The following TAF4 variants were observed in gnomAD, a reference collection of about 807,000 sequenced individuals.
TAF4 encodes transcription initiation factor TFIID subunit 4.
Under a neutral mutation model 90.3 loss-of-function variants are expected in TAF4, and 9 were observed. The ratio of observed to expected loss-of-function variants is 0.10; its 90% CI spans 0.06 to 0.17. The LOEUF (loss-of-function observed/expected upper bound fraction) is 0.17. TAF4 is among the 10% of genes least tolerant of loss of function. The probability of loss-of-function intolerance (pLI) is 1.00; values close to 1 mark genes in which losing one functional copy is unlikely to be tolerated. For synonymous variants in TAF4, 818 were observed against 638.9 expected (o/e 1.28, Z -4.23); for missense variants, 1,351 against 1,370.7 (o/e 0.99, Z 0.23).
chr20:62,011,130 G>A (rs1231317889), intron 3 of TAF4, among the ~76,000 whole-genome samples: 9 of 152,220 alleles, frequency 5.9e-5, no homozygotes, highest in Non-Finnish European at 2.9e-5. Context: ...GATGGGCTGT[G>A]AGGAGGCAGC....
Position 62,061,483 on chromosome 20 carries a change from C to T in TAF4, c.1360+2968G>A, listed in dbSNP as rs117355825. Among the ~76,000 whole-genome samples, 1,392 of 152,320 alleles carry T rather than the reference C, an allele frequency of 9.1e-3. 67 individuals carry two copies. Among genetic ancestry groups the T allele is most frequent in the Admixed American group, 0.067 (1,022 of 15,292 alleles). On this transcript the variant is annotated intron_variant, in intron 1 of 14. Coordinates refer to ENST00000252996, the MANE Select transcript of TAF4 (RefSeq NM_003185.4). ...TAGAGCAAAAGGAGAGTAAATTCTG[C>T]ATGAAAGCACAATAGACCAAGATAC... is the stretch of plus-strand genomic sequence containing the variant.
At chr20:62,044,457 A>G (rs1368474805) in intron 1 of TAF4, among the ~76,000 whole-genome samples, 1 of 152,246 alleles carries the variant, frequency 6.6e-6, no homozygotes, top group African/African-American at 2.4e-5. Context: ...AAACCAAAAC[A>G]TAACTAAATT....
intron 1 of TAF4, among the ~76,000 whole-genome samples, chr20:62,040,729 C>T (rs932173783): frequency 1.3e-5 from 2 of 152,204 alleles, no homozygotes; most frequent in Non-Finnish European, 1.5e-5. Context: ...GCACTGAGCC[C>T]GCGGATGAAA....
At chr20:62,005,818 T>G (rs1312561777) in intron 7 of TAF4, 1 of 152,240 alleles carries the variant, frequency 6.6e-6, no homozygotes, top group Non-Finnish European at 1.5e-5. Flanking sequence ...CAGCTCATGA[T>G]GAGGGAGCCC....
chr20:62,035,306 G>C (rs571267186), intron 1 of TAF4, among the ~76,000 whole-genome samples: 19 of 152,278 alleles, frequency 1.2e-4, no homozygotes, highest in African/African-American at 3.1e-4. Flanking sequence ...TAGATATCAA[G>C]AATTAGTATG....
chr20:62,016,658 C>G (rs1312338850), intron 1 of TAF4, among the ~76,000 whole-genome samples: 1 of 152,220 alleles, frequency 6.6e-6, no homozygotes. Flanking sequence ...CCGGGCTCCT[C>G]AGGTGCACAC....
rs1029076070 is a variant in TAF4, at chr20:62,045,921, C to T, written c.1360+18530G>A. Among the ~76,000 whole-genome samples the T allele has an allele frequency of 5.9e-5, 9 of 152,322 alleles. No individual in the cohort carries two copies. In the East Asian group the frequency reaches 1.2e-3, roughly 20 times the overall value. On this transcript the variant is annotated intron_variant, in intron 1 of 14. Coordinates refer to ENST00000252996, the MANE Select transcript of TAF4 (RefSeq NM_003185.4). Reference sequence around the variant, plus strand: ...AGTAACCTCTTTTTCACAACTATAACGAACAAATTTTCCTTCTCTCACGCA... The same window carrying T: ...AGTAACCTCTTTTTCACAACTATAATGAACAAATTTTCCTTCTCTCACGCA...
intron 5 of TAF4, chr20:62,008,757 T>C (rs1427201314): frequency 1.9e-5 from 5 of 264,208 alleles, no homozygotes; most frequent in South Asian, 1.0e-4. Flanking sequence ...TGCAGCATGG[T>C]TGGGGCAGCC....
At position 62,010,364 on chromosome 20, in the gene TAF4, G is replaced by A. The variant is rs887615443; in HGVS notation, c.1642-199C>T. On this transcript the variant is annotated intron_variant, in intron 3 of 14. Transcript: ENST00000252996. The surrounding 1 kb of genome is among the most constrained non-coding windows in gnomAD (Gnocchi z 4.5). ...AGGCCTGCCCTGTGCCCTGACGATC[G>A]CAGTCCTGAGCGGGTGAGGAAGGCA... Among the ~76,000 whole-genome samples, 3 of 152,226 alleles carry A rather than the reference G, an allele frequency of 2.0e-5. No individual in the cohort carries two copies. Among genetic ancestry groups the A allele is most frequent in the South Asian group, 2.1e-4 (1 of 4,828 alleles).
At chr20:62,018,106 C>G (rs1489570374) in intron 1 of TAF4, among the ~76,000 whole-genome samples, 1 of 152,158 alleles carries the variant, frequency 6.6e-6, no homozygotes, top group Non-Finnish European at 1.5e-5. Flanking sequence ...CGTAGCTTCT[C>G]GAGGCATTGA....
chr20:61,991,853 G>C (rs547276756), intron 14 of TAF4, among the ~76,000 whole-genome samples: 3 of 152,156 alleles, frequency 2.0e-5, no homozygotes, highest in Admixed American at 2.0e-4. Context: ...CCAGTGGGAT[G>C]AGCCGGCTTC....
rs540085645 is a variant in TAF4, at chr20:62,031,386, T to C, written c.1361-16679A>G. On this transcript the variant is annotated intron_variant, in intron 1 of 14. Transcript: ENST00000252996. ...GGGCCCAGGGTGCCTTCTCGACACT[T>C]TGCTAAACCTCAGGATAAAGCATAT... Among the ~76,000 whole-genome samples, 14 of 152,306 alleles carry C rather than the reference T, an allele frequency of 9.2e-5. No individual in the cohort carries two copies. In the East Asian group the frequency reaches 2.1e-3, roughly 23 times the overall value.
intron 1 of TAF4, among the ~76,000 whole-genome samples, chr20:62,050,299 A>G (rs1229855625): frequency 6.6e-6 from 1 of 151,914 alleles, no homozygotes; most frequent in Non-Finnish European, 1.5e-5. Flanking sequence ...TCTGCTCCCC[A>G]TGGACCACTC....
At chr20:62,026,341 C>T (rs986805088) in intron 1 of TAF4, among the ~76,000 whole-genome samples, 1 of 152,216 alleles carries the variant, frequency 6.6e-6, no homozygotes, top group Non-Finnish European at 1.5e-5. Flanking sequence ...CGATCACACC[C>T]TCCACCACAC....
At chr20:62,064,180 A>AC (rs1219308618) in intron 1 of TAF4, 1 of 375,466 alleles carries the variant, frequency 2.7e-6, no homozygotes, top group East Asian at 4.0e-5. Flanking sequence ...TGGCTGAGCC[A>AC]CTCCGAAACA....
At chr20:62,018,224 G>A (rs948424330) in intron 1 of TAF4, among the ~76,000 whole-genome samples, 5 of 152,184 alleles carry the variant, frequency 3.3e-5, no homozygotes, top group South Asian at 2.1e-4. Context: ...TTTCTTGTCC[G>A]CCTCCCTGGT....
At chr20:61,990,921 C>T (rs1433152291) in intron 14 of TAF4, among the ~76,000 whole-genome samples, 1 of 152,162 alleles carries the variant, frequency 6.6e-6, no homozygotes, top group African/African-American at 2.4e-5. Context: ...AACCTAAACT[C>T]ACGTCGAAAT....
intron 3 of TAF4, chr20:62,012,613 A>G (rs2123146974): frequency 1.5e-6 from 1 of 667,328 alleles, no homozygotes; most frequent in East Asian, 3.3e-5. Flanking sequence ...AAAAAAAGAA[A>G]AAAGAAAAAA....
rs150369244 is a variant in TAF4 at position 62,002,074 on chromosome 20, T to C, written c.2486+1086A>G. ...TCCTGAGCCAGCCCACAGGGGTCAC[T>C]CTCCTTTATCCCTTCTGCCAGGCCG... is the stretch of plus-strand genomic sequence containing the variant. On this transcript the variant is annotated intron_variant, in intron 9 of 14. Coordinates refer to ENST00000252996, the MANE Select transcript of TAF4 (RefSeq NM_003185.4). Among the ~76,000 whole-genome samples the C allele has an allele frequency of 3.2e-4, 49 of 152,260 alleles. No homozygotes were observed. The East Asian group carries it at 6.4e-3, about 20-fold the overall frequency.
Sources: gnomAD v4.1 joint callset for allele counts (sites outside exome capture counted in the v4.1 genomes callset) on GRCh38, gnomAD v4.1.1 for gene constraint, Gnocchi (gnomAD v3.1) non-coding constraint, MANE v1.5 for transcripts, NCBI Gene and HGNC (gene_info 2026-07-23, HGNC 2026-07-21) for gene names.